CFAP20DC: variants seen among roughly 807,000 people sequenced by gnomAD.
CFAP20DC encodes protein CFAP20DC.
A neutral mutation model predicts 101.7 loss-of-function variants in CFAP20DC; 84 were observed. That is an observed-to-expected ratio of 0.83 (90% confidence interval 0.69 to 0.99). The LOEUF is 0.99. CFAP20DC is among the 50% of genes least tolerant of loss of function. The probability of loss-of-function intolerance (pLI) is 0.00; values close to 1 mark genes in which losing one functional copy is unlikely to be tolerated. For missense variants in CFAP20DC, 1,007 were observed against 970.3 expected, an observed-to-expected ratio of 1.04 and a Z score of -0.50; for synonymous variants, 359 against 351.2, an observed-to-expected ratio of 1.02 and a Z score of -0.25.
At chr3:58,841,580 C>T (rs971184317) in intron 13 of CFAP20DC, among the ~76,000 whole-genome samples, 18 of 152,262 alleles carry the variant, frequency 1.2e-4, no homozygotes, top group Admixed American at 1.0e-3. Flanking sequence ...AAGGAAATGG[C>T]TTGATAATTA....
intron 4 of CFAP20DC, among the ~76,000 whole-genome samples, chr3:59,003,138 T>C (rs1487561026): frequency 2.0e-5 from 3 of 152,306 alleles, no homozygotes; most frequent in Admixed American, 1.3e-4. Flanking sequence ...AATTATGAAA[T>C]AGTGTAGATA....
intron 5 of CFAP20DC, among the ~76,000 whole-genome samples, chr3:58,926,979 A>G (rs1352943013): frequency 6.6e-6 from 1 of 152,238 alleles, no homozygotes; most frequent in Non-Finnish European, 1.5e-5. Flanking sequence ...TGTTCATCTG[A>G]CACCAGCATC....
chr3:58,738,496 A>G (rs145738280), downstream of CFAP20DC, among the ~76,000 whole-genome samples: 239 of 152,350 alleles, frequency 1.6e-3, no homozygotes, highest in African/African-American at 5.5e-3. The surrounding 1 kb of genome is among the most constrained non-coding windows in gnomAD (Gnocchi z 4.4). Context: ...AGCTCCATCA[A>G]TGTCCCTGCA....
At chr3:58,948,973 T>C (rs2089728796) in intron 4 of CFAP20DC, among the ~76,000 whole-genome samples, 1 of 152,202 alleles carries the variant, frequency 6.6e-6, no homozygotes, top group Non-Finnish European at 1.5e-5. Flanking sequence ...CAGAACCTGT[T>C]ATTGGTCTAT....
chr3:59,015,133 G>A lies in CFAP20DC; in HGVS notation c.278+24424C>T, dbSNP rs539266845. ...GGTTGAGTTCTTGCTGAACAGGTGC[G>A]GGAGGAGGCAGGCTTGGACCCTGAA... On this transcript the variant is annotated intron_variant, in intron 4 of 16. Transcript: ENST00000482387. The surrounding 1 kb of genome is among the most constrained non-coding windows in gnomAD (Gnocchi z 5.4). 7.9e-5 allele frequency among the ~76,000 whole-genome samples: 12 copies of A among 152,198 alleles called. No homozygotes were observed. The highest frequency in any genetic ancestry group is 2.4e-4 in the African/African-American group (10 of 41,550).
intron 15 of CFAP20DC, among the ~76,000 whole-genome samples, chr3:58,774,812 C>G (rs905875276): frequency 6.6e-6 from 1 of 152,114 alleles, no homozygotes; most frequent in African/African-American, 2.4e-5. Flanking sequence ...GTGTGTTTCT[C>G]ACTCTTAAAA....
At chr3:58,987,947 C>G (rs1353423530) in intron 4 of CFAP20DC, among the ~76,000 whole-genome samples, 1 of 151,772 alleles carries the variant, frequency 6.6e-6, no homozygotes, top group Non-Finnish European at 1.5e-5. Context: ...TTAAAACACC[C>G]CAACTTAATT....
At chr3:59,000,151 C>T (rs1270369996) in intron 4 of CFAP20DC, among the ~76,000 whole-genome samples, 1 of 152,186 alleles carries the variant, frequency 6.6e-6, no homozygotes, top group Non-Finnish European at 1.5e-5. Flanking sequence ...TCCTTTATCT[C>T]TCTGAAAACA....
chr3:58,942,552 T>A (rs914058506), intron 4 of CFAP20DC, among the ~76,000 whole-genome samples: 1 of 152,214 alleles, frequency 6.6e-6, no homozygotes, highest in Non-Finnish European at 1.5e-5. Context: ...CCAGATACTA[T>A]GCTTTTCCCA....
In CFAP20DC at chr3:58,728,754, C is replaced by T. The variant is rs2067593027; in HGVS notation, c.198-11126G>A. 6.6e-6 allele frequency among the ~76,000 whole-genome samples: 1 copy of T among 152,186 alleles called. No individual in the cohort carries two copies. The highest frequency in any genetic ancestry group is 1.5e-5 in the Non-Finnish European group (1 of 68,032). ...ACATTTTAATAATATTGATTCTTCT[C>T]ATCTATGAACATGGAACATCCTTTC... On this transcript the variant is annotated intron_variant, in intron 3 of 3. Coordinates refer to the CFAP20DC transcript ENST00000486145. The surrounding 1 kb of genome is among the most constrained non-coding windows in gnomAD (Gnocchi z 4.7).
At chr3:58,814,061 C>T (rs1364943983) in intron 14 of CFAP20DC, among the ~76,000 whole-genome samples, 3 of 151,890 alleles carry the variant, frequency 2.0e-5, no homozygotes, top group African/African-American at 4.9e-5. Context: ...CATTGGTATT[C>T]GTCCAGTATT....
In CFAP20DC at chr3:58,798,222, G is replaced by C. The variant is rs55929542; in HGVS notation, c.2237+8173C>G. Among the ~76,000 whole-genome samples the C allele has an allele frequency of 4.5e-3, 684 of 152,086 alleles. 5 individuals carry two copies. Among genetic ancestry groups the C allele is most frequent in the African/African-American group, 0.016 (646 of 41,422 alleles). ...GGCAAAGTAAATTGAAAACTTTCTG[G>C]AAAGAATTCACCATTCCAGATGCCA... On this transcript the variant is annotated intron_variant, in intron 15 of 16. Transcript: ENST00000482387.
At chr3:58,720,113 T>C (rs927190784) in intron 3 of CFAP20DC, among the ~76,000 whole-genome samples, 4 of 152,252 alleles carry the variant, frequency 2.6e-5, no homozygotes, top group African/African-American at 7.2e-5. Context: ...TGCTCCCTGC[T>C]TCAAGCTCTT....
intron 4 of CFAP20DC, among the ~76,000 whole-genome samples, chr3:58,958,277 A>C (rs997990771): frequency 6.6e-6 from 1 of 152,198 alleles, no homozygotes; most frequent in African/African-American, 2.4e-5. Context: ...ATAAACGTAA[A>C]AAAATATATA....
chr3:58,850,858 A>G (rs983228615), intron 12 of CFAP20DC, among the ~76,000 whole-genome samples: 1 of 152,096 alleles, frequency 6.6e-6, no homozygotes, highest in African/African-American at 2.4e-5. Context: ...TATTTGGGTG[A>G]CTGATTGAAC....
In CFAP20DC at chr3:58,970,966, T is replaced by C. The variant is rs199732260; in HGVS notation, c.279-33204A>G. On this transcript the variant is annotated intron_variant, in intron 4 of 16. Coordinates refer to ENST00000482387, the MANE Select transcript of CFAP20DC (RefSeq NM_001394063.1). ...AAGTTGCTTATTTAAAAAATAACCA[T>C]CTCTAGCATAAAAGTGAGAATTCAA... 1.4e-4 allele frequency among the ~76,000 whole-genome samples: 22 copies of C among 152,272 alleles called. No individual in the cohort carries two copies. In the East Asian group the frequency reaches 3.5e-3, roughly 24 times the overall value.
intron 13 of CFAP20DC, among the ~76,000 whole-genome samples, chr3:58,840,584 T>C (rs548015743): frequency 6.6e-6 from 1 of 152,274 alleles, no homozygotes; most frequent in Admixed American, 6.5e-5. Flanking sequence ...GATTCAACTA[T>C]AAATAAAGAG....
chr3:58,845,842 T>G (rs867688664), intron 13 of CFAP20DC, among the ~76,000 whole-genome samples: 5,169 of 150,906 alleles, frequency 0.034, 310 homozygotes, highest in African/African-American at 0.12. Context: ...ATCCCTGGGT[T>G]GCAAGGCTGG....
intron 6 of CFAP20DC, among the ~76,000 whole-genome samples, chr3:58,911,730 C>T (rs1315517820): frequency 2.0e-5 from 3 of 152,090 alleles, no homozygotes; most frequent in Non-Finnish European, 4.4e-5. Context: ...CCTGTCATAT[C>T]TATTTCCTTC....
Sources: gnomAD v4.1 joint callset for allele counts (sites outside exome capture counted in the v4.1 genomes callset) on GRCh38, gnomAD v4.1.1 for gene constraint, Gnocchi (gnomAD v3.1) non-coding constraint, MANE v1.5 for transcripts, NCBI Gene and HGNC (gene_info 2026-07-23, HGNC 2026-07-21) for gene names.